The following CHN1 variants were observed in gnomAD, a reference collection of about 807,000 sequenced individuals.
CHN1 encodes N-chimaerin.
A neutral mutation model predicts 59.5 loss-of-function variants in CHN1; 37 were observed. That is an observed-to-expected ratio of 0.62 (90% confidence interval 0.48 to 0.82). The LOEUF is 0.82. Ranked by LOEUF, CHN1 falls within the 40% of genes least tolerant of loss-of-function variation. CHN1 has a pLI of 0.00. For missense variants in CHN1, 469 were observed against 571.0 expected (o/e 0.82, Z 1.82); for synonymous variants, 206 against 200.4 (o/e 1.03, Z -0.24).
At chr2:174,960,770 C>T (rs1033768178) in intron 1 of CHN1, among the ~76,000 whole-genome samples, 1 of 151,626 alleles carries the variant, frequency 6.6e-6, no homozygotes, top group South Asian at 2.1e-4. Context: ...TGCAGTGAGC[C>T]GAGATCATGC....
At chr2:174,984,053 A>T (rs1424559862) in intron 1 of CHN1, among the ~76,000 whole-genome samples, 3 of 151,826 alleles carry the variant, frequency 2.0e-5, no homozygotes, top group Non-Finnish European at 4.4e-5. Flanking sequence ...TGCTCCACGC[A>T]AGTTTTTTTT....
chr2:174,968,782 C>G (rs888279146), intron 1 of CHN1, among the ~76,000 whole-genome samples: 2 of 152,278 alleles, frequency 1.3e-5, no homozygotes, highest in East Asian at 3.9e-4. Flanking sequence ...AACAAAGGTC[C>G]GTATTTTCTC....
At chr2:174,849,868 T>G (rs1686671107) in intron 6 of CHN1, among the ~76,000 whole-genome samples, 1 of 152,188 alleles carries the variant, frequency 6.6e-6, no homozygotes. Flanking sequence ...AACACTACAC[T>G]ATATCCACCC....
At chr2:174,875,113 A>G (rs1687526867) in intron 6 of CHN1, among the ~76,000 whole-genome samples, 1 of 151,956 alleles carries the variant, frequency 6.6e-6, no homozygotes, top group South Asian at 2.1e-4. Flanking sequence ...ACCTCAGGTG[A>G]TCCGCCCCAC....
intron 8 of CHN1, among the ~76,000 whole-genome samples, chr2:174,822,581 G>T (rs1014357639): frequency 4.6e-5 from 7 of 152,180 alleles, no homozygotes; most frequent in Non-Finnish European, 8.8e-5. Flanking sequence ...AAAAACTATT[G>T]CAGAGTATCA....
intron 10 of CHN1, 39 bp from the exon 11 acceptor site, chr2:174,809,081 G>T: frequency 1.3e-6 from 2 of 1,551,822 alleles, no homozygotes; most frequent in South Asian, 1.2e-5. Context: ...TAAATATCTG[G>T]ATTCACAGCA....
At chr2:174,807,444 A>ATGTGTG (rs1248242019) in intron 11 of CHN1, among the ~76,000 whole-genome samples, 13 of 90,326 alleles carry the variant, frequency 1.4e-4, no homozygotes, top group African/African-American at 4.5e-4. Context: ...TTCACGGGCT[A>ATGTGTG]TCTGTGTGTG....
intron 11 of CHN1, among the ~76,000 whole-genome samples, chr2:174,806,839 A>G (rs1318121679): frequency 1.3e-5 from 2 of 152,228 alleles, no homozygotes; most frequent in Non-Finnish European, 2.9e-5. Context: ...CTGCCAGAAG[A>G]GAGTGTACAA....
At position 174,975,093 on chromosome 2, in the gene CHN1, G is replaced by C. The variant is rs181270414; in HGVS notation, c.20-22891C>G. The stretch of plus-strand genomic sequence containing the variant: ...AGAAAACCCCTGGTGGCAAACAACT[G>C]CATATTATTAACTTCACTATTTTAT... On this transcript the variant is annotated intron_variant, in intron 1 of 12. Coordinates refer to ENST00000409900, the MANE Select transcript of CHN1 (RefSeq NM_001822.7). Among the ~76,000 whole-genome samples, 42 of 152,242 alleles carry C rather than the reference G, an allele frequency of 2.8e-4. No homozygotes were observed. The East Asian group carries it at 7.7e-3, about 28-fold the overall frequency.
intron 1 of CHN1, among the ~76,000 whole-genome samples, chr2:174,976,492 G>A (rs558765951): frequency 6.6e-6 from 1 of 152,144 alleles, no homozygotes; most frequent in African/African-American, 2.4e-5. Flanking sequence ...GCCCACCTCT[G>A]CCTCCCAAAG....
chr2:174,987,059 A>G (rs1313480163), intron 1 of CHN1, among the ~76,000 whole-genome samples: 1 of 152,128 alleles, frequency 6.6e-6, no homozygotes, highest in South Asian at 2.1e-4. Context: ...TGTTAATAAC[A>G]TTTTTTCTCC....
chr2:174,905,678 C>T (rs1688523639), intron 5 of CHN1, among the ~76,000 whole-genome samples: 1 of 152,052 alleles, frequency 6.6e-6, no homozygotes, highest in South Asian at 2.1e-4. Context: ...CATTCTCCTG[C>T]CTCAGCCTCC....
intron 7 of CHN1, among the ~76,000 whole-genome samples, chr2:174,825,028 A>C (rs553714688): frequency 1.3e-5 from 2 of 152,302 alleles, no homozygotes; most frequent in South Asian, 4.1e-4. Context: ...AGGAATGATA[A>C]ATCAGACCAA....
chr2:174,935,710 G>A (rs1193222046), intron 3 of CHN1, among the ~76,000 whole-genome samples: 1 of 152,160 alleles, frequency 6.6e-6, no homozygotes, highest in Non-Finnish European at 1.5e-5. Context: ...AGGATCGCTT[G>A]AGCCCAGGAG....
At chr2:174,999,106 C>G (rs1395321392) in intron 1 of CHN1, among the ~76,000 whole-genome samples, 1 of 151,672 alleles carries the variant, frequency 6.6e-6, no homozygotes, top group African/African-American at 2.4e-5. Context: ...TATGGTCATA[C>G]TGTACCCTGT....
intron 6 of CHN1, among the ~76,000 whole-genome samples, chr2:174,851,529 G>C (rs910312590): frequency 1.3e-5 from 2 of 152,078 alleles, no homozygotes; most frequent in African/African-American, 4.8e-5. Context: ...TGATTCACTG[G>C]CCTCAGCCTC....
At chr2:174,933,717 C>T (rs1053129682) in intron 3 of CHN1, among the ~76,000 whole-genome samples, 5 of 152,000 alleles carry the variant, frequency 3.3e-5, no homozygotes, top group Non-Finnish European at 4.4e-5. Context: ...TGTGGGCTGA[C>T]GAAAATGATC....
intron 1 of CHN1, among the ~76,000 whole-genome samples, chr2:174,990,881 T>C (rs961505274): frequency 7.9e-5 from 12 of 152,214 alleles, no homozygotes; most frequent in Admixed American, 2.6e-4. Flanking sequence ...AATCTCAGAA[T>C]AGTAATAAAT....
rs13421807 is a variant in CHN1, at chr2:174,807,426, G to C, written c.1102+1479C>G. Reference sequence around the variant, plus strand: ...CGGGATCAGAGCATACTGTGGACTAGGCAGCTTTTCACGGGCTATCTGTGT... The same window carrying C: ...CGGGATCAGAGCATACTGTGGACTACGCAGCTTTTCACGGGCTATCTGTGT... On this transcript the variant is annotated intron_variant, in intron 11 of 12. Coordinates refer to ENST00000409900, the MANE Select transcript of CHN1 (RefSeq NM_001822.7). Among the ~76,000 whole-genome samples the C allele has an allele frequency of 2.1e-3, 315 of 148,158 alleles. 4 individuals carry two copies. The highest frequency in any genetic ancestry group is 6.7e-3 in the African/African-American group (270 of 40,132).
Sources: allele counts gnomAD v4.1 joint callset (sites outside exome capture counted in the v4.1 genomes callset), GRCh38; gene constraint gnomAD v4.1.1; transcripts MANE v1.5; gene names NCBI Gene and HGNC (gene_info 2026-07-23, HGNC 2026-07-21).